SCAPER: variants seen among roughly 807,000 people sequenced by gnomAD.
SCAPER encodes the protein S phase cyclin A-associated protein in the endoplasmic reticulum.
A neutral mutation model predicts 182.2 loss-of-function variants in SCAPER; 98 were observed. That is an observed-to-expected ratio of 0.54 (90% CI 0.46 to 0.64). The LOEUF (loss-of-function observed/expected upper bound fraction) is 0.64. Ranked by LOEUF, SCAPER falls within the 30% of genes least tolerant of loss-of-function variation. SCAPER has a pLI of 0.00. For synonymous variants in SCAPER, 605 were observed against 564.6 expected, an observed-to-expected ratio of 1.07 and a Z score of -1.01; for missense variants, 1,432 against 1,690.0, an observed-to-expected ratio of 0.85 and a Z score of 2.68.
At chr15:76,637,156 C>T (rs1310433858) in intron 21 of SCAPER, among the ~76,000 whole-genome samples, 2 of 152,096 alleles carry the variant, frequency 1.3e-5, no homozygotes, top group African/African-American at 4.8e-5. Flanking sequence ...TAGCCATTTA[C>T]AGTCAATCCT....
chr15:76,603,445 G>T (rs1597616399), intron 22 of SCAPER, among the ~76,000 whole-genome samples: 2 of 121,862 alleles, frequency 1.6e-5, no homozygotes, highest in East Asian at 4.4e-4. Context: ...TGGACATTTA[G>T]GTTGGTTCCA....
chr15:76,494,019 T>A (rs779597089), intron 24 of SCAPER, among the ~76,000 whole-genome samples: 2 of 152,216 alleles, frequency 1.3e-5, no homozygotes, highest in South Asian at 4.1e-4. Context: ...ATTAAAATCA[T>A]CCTGACTAGA....
chr15:76,901,742 C>CG (rs2074800580), intron 1 of SCAPER, among the ~76,000 whole-genome samples: 1 of 149,744 alleles, frequency 6.7e-6, no homozygotes, highest in Admixed American at 6.6e-5. Flanking sequence ...TTTTTTGAGA[C>CG]GGAGTCTCGC....
At chr15:76,388,582 G>C (rs2043441800) in intron 27 of SCAPER, among the ~76,000 whole-genome samples, 1 of 152,168 alleles carries the variant, frequency 6.6e-6, no homozygotes, top group African/African-American at 2.4e-5. Flanking sequence ...GGGCATTTAA[G>C]ACTCAGCTGG....
Position 76,746,004 on chromosome 15 carries a change from C to T in SCAPER, c.1866+7804G>A, listed in dbSNP as rs537614572. Among the ~76,000 whole-genome samples the T allele has an allele frequency of 2.6e-5, 4 of 152,238 alleles. No homozygotes were observed. In the East Asian group the frequency reaches 7.7e-4, roughly 29 times the overall value. On this transcript the variant is annotated intron_variant, in intron 15 of 31. Transcript: ENST00000563290. ...CATAAGTAACAGGATGAGATTTACC[C>T]TTGCACTTTAAACAACAAAATTGGA...
At chr15:76,747,329 C>T (rs1247153333) in intron 15 of SCAPER, among the ~76,000 whole-genome samples, 2 of 152,006 alleles carry the variant, frequency 1.3e-5, no homozygotes, top group Non-Finnish European at 2.9e-5. Context: ...TGGTGAAACT[C>T]CATCTCTACT....
intron 23 of SCAPER, among the ~76,000 whole-genome samples, chr15:76,532,066 T>C (rs1289162316): frequency 6.6e-6 from 1 of 152,184 alleles, no homozygotes; most frequent in Non-Finnish European, 1.5e-5. Context: ...TTTTTTCCCC[T>C]TCTTTTCACA....
At chr15:76,547,259 G>A (rs1478304674) in intron 23 of SCAPER, among the ~76,000 whole-genome samples, 1 of 152,108 alleles carries the variant, frequency 6.6e-6, no homozygotes, top group Non-Finnish European at 1.5e-5. Context: ...GTTCTTTTAA[G>A]TTCATAGACC....
chr15:76,829,098 A>G (rs1020001051), intron 5 of SCAPER, among the ~76,000 whole-genome samples: 1 of 152,250 alleles, frequency 6.6e-6, no homozygotes, highest in Non-Finnish European at 1.5e-5. Context: ...AAATGTATAT[A>G]TACACCATGA....
intron 1 of SCAPER, chr15:76,904,792 C>G (rs560913153): frequency 6.6e-6 from 1 of 152,364 alleles, no homozygotes; most frequent in South Asian, 2.1e-4. Context: ...CTGGGCAGAG[C>G]TAAGATCAGA....
intron 22 of SCAPER, among the ~76,000 whole-genome samples, chr15:76,602,956 T>C (rs1337253241): frequency 2.0e-5 from 2 of 100,284 alleles, no homozygotes; most frequent in African/African-American, 2.8e-5. Flanking sequence ...GGTTCAGAAT[T>C]TACTAAGACA....
chr15:76,681,688 G>A (rs1042438585), intron 20 of SCAPER, among the ~76,000 whole-genome samples: 1 of 152,148 alleles, frequency 6.6e-6, no homozygotes, highest in Non-Finnish European at 1.5e-5. Context: ...GAGTTGAGGA[G>A]GCAAGGAGTG....
At chr15:76,749,751 T>C (rs1286179106) in intron 15 of SCAPER, among the ~76,000 whole-genome samples, 2 of 152,086 alleles carry the variant, frequency 1.3e-5, no homozygotes, top group Non-Finnish European at 2.9e-5. Context: ...ATATATGTCA[T>C]GTTCATGGAA....
At chr15:76,826,812 C>T (rs2068058399) in intron 5 of SCAPER, among the ~76,000 whole-genome samples, 2 of 152,150 alleles carry the variant, frequency 1.3e-5, no homozygotes, top group African/African-American at 4.8e-5. Flanking sequence ...TATAAGTCCA[C>T]TTGTGTTTCC....
At chr15:76,764,092 G>T (rs1256313290) in intron 14 of SCAPER, among the ~76,000 whole-genome samples, 5 of 152,092 alleles carry the variant, frequency 3.3e-5, no homozygotes, top group Non-Finnish European at 7.4e-5. Flanking sequence ...AGTCTTTATG[G>T]ACTGGCTTCA....
intron 21 of SCAPER, among the ~76,000 whole-genome samples, chr15:76,633,580 C>T (rs1433399072): frequency 6.6e-6 from 1 of 152,216 alleles, no homozygotes; most frequent in Non-Finnish European, 1.5e-5. Context: ...CTAGGGGCTC[C>T]TCTCAGGGAT....
chr15:76,746,229 G>A (rs189085048), intron 15 of SCAPER, among the ~76,000 whole-genome samples: 1 of 152,318 alleles, frequency 6.6e-6, no homozygotes, highest in African/African-American at 2.4e-5. Context: ...TTGTCCCTCA[G>A]TATCCATGGG....
At chr15:76,515,538 G>GCCAGT (rs2042352086) in intron 23 of SCAPER, among the ~76,000 whole-genome samples, 1 of 152,158 alleles carries the variant, frequency 6.6e-6, no homozygotes, top group Admixed American at 6.6e-5. Flanking sequence ...ATAGACAAGA[G>GCCAGT]CCAGTAACAT....
intron 22 of SCAPER, among the ~76,000 whole-genome samples, chr15:76,578,075 A>AT (rs1597474921): frequency 6.6e-6 from 1 of 151,620 alleles, no homozygotes; most frequent in East Asian, 2.0e-4. Context: ...AGTACTCACC[A>AT]TAGGCCTGGG....
Sources: gnomAD v4.1 joint callset for allele counts (sites outside exome capture counted in the v4.1 genomes callset) on GRCh38, gnomAD v4.1.1 for gene constraint, MANE v1.5 for transcripts, NCBI Gene and HGNC (gene_info 2026-07-23, HGNC 2026-07-21) for gene names.